The following C5 variants were observed in gnomAD, a reference collection of about 807,000 sequenced individuals.
The protein encoded by C5 is C3 and PZP-like alpha-2-macroglobulin domain-containing protein 4.
In C5, 140 loss-of-function variants were observed where a neutral mutation model predicts 218.8. The ratio of observed to expected loss-of-function variants is 0.64; its 90% CI spans 0.56 to 0.74. The LOEUF is 0.74. Among genes scored for constraint, C5 ranks in the 30% least tolerant of loss-of-function variants. The pLI is 0.00. For synonymous variants in C5, 614 were observed against 682.3 expected (o/e 0.90, Z 1.56); for missense variants, 1,700 against 1,969.6 (o/e 0.86, Z 2.59).
At chr9:120,974,687 G>A in intron 30 of C5, 92 bp downstream of exon 30, 1 of 1,182,312 alleles carries the variant, frequency 8.5e-7, no homozygotes, top group South Asian at 1.2e-5. Context: ...TGTTTAAGTA[G>A]TGAAGAGATA....
intron 20 of C5, among the ~76,000 whole-genome samples, chr9:120,998,467 T>C (rs1469008505): frequency 6.6e-6 from 1 of 152,260 alleles, no homozygotes; most frequent in Non-Finnish European, 1.5e-5. Flanking sequence ...TTCATTTTTG[T>C]ATCTTTTAGC....
At chr9:120,987,052 G>C (rs2047037984) in intron 25 of C5, among the ~76,000 whole-genome samples, 2 of 152,188 alleles carry the variant, frequency 1.3e-5, no homozygotes. Context: ...TTGATCCATG[G>C]GGGACAAAGG....
intron 40 of C5, among the ~76,000 whole-genome samples, 160 bp downstream of exon 40, chr9:120,953,570 C>T (rs776493316): frequency 5.9e-5 from 9 of 152,078 alleles, no homozygotes; most frequent in Non-Finnish European, 1.2e-4. Context: ...TCAGCTGCCA[C>T]GATGGTTTTA....
In C5 at chr9:121,034,902, T is replaced by C. The variant is rs763598955; in HGVS notation, c.493-8A>G. On this transcript the variant is annotated splice_polypyrimidine_tract_variant and splice_region_variant and intron_variant, in intron 4 of 40. Coordinates refer to ENST00000223642, the MANE Select transcript of C5 (RefSeq NM_001735.3). The stretch of plus-strand genomic sequence containing the variant: ...TTCTGATCCTTCAGGATCCTGTAAA[T>C]AAAAACAAACACCCTCAAAGGCCAG... The C allele has an allele frequency of 6.7e-7, 1 of 1,495,560 alleles. No homozygotes were observed. The highest frequency in any genetic ancestry group is 9.3e-7 in the Non-Finnish European group (1 of 1,076,758). The allele number at this position is 1,495,560 out of a possible 1,614,324, so 92.6% of individuals were successfully genotyped here.
intron 14 of C5, 39 bp downstream of exon 14, chr9:121,017,323 A>G: frequency 6.2e-7 from 1 of 1,611,998 alleles, no homozygotes; most frequent in Non-Finnish European, 8.5e-7. Context: ...TGGTGGCCAC[A>G]CTTCATGCAA....
At chr9:120,980,060 T>C (rs1377789238) in intron 28 of C5, 23 bp downstream of exon 28, 2 of 1,610,170 alleles carry the variant, frequency 1.2e-6, no homozygotes, top group Non-Finnish European at 8.5e-7. Flanking sequence ...ACTCACTGAA[T>C]ACATGTATGG....
At chr9:121,039,103 C>G (rs1377299101) in intron 3 of C5, among the ~76,000 whole-genome samples, 1 of 152,226 alleles carries the variant, frequency 6.6e-6, no homozygotes, top group African/African-American at 2.4e-5. Flanking sequence ...CCTTAGTTAA[C>G]TCACTTGTAA....
chr9:121,041,010 G>A (rs1369605019), intron 3 of C5, among the ~76,000 whole-genome samples: 2 of 138,888 alleles, frequency 1.4e-5, no homozygotes, highest in Admixed American at 7.4e-5. Flanking sequence ...GTGCAGTGGC[G>A]CGATCTCACT....
intron 40 of C5, 26 bp downstream of exon 40, chr9:120,953,704 G>T (rs768980521): frequency 6.2e-7 from 1 of 1,612,070 alleles, no homozygotes. Context: ...GGGAAGATCA[G>T]TGACTGAAAA....
chr9:121,011,709 G>T (rs1025601318), intron 17 of C5, among the ~76,000 whole-genome samples: 2 of 152,168 alleles, frequency 1.3e-5, no homozygotes, highest in Non-Finnish European at 2.9e-5. Context: ...AAATAGTCAG[G>T]ATTTGGAAGC....
chr9:121,011,551 T>A (rs1271269826), intron 17 of C5, among the ~76,000 whole-genome samples: 1 of 152,290 alleles, frequency 6.6e-6, no homozygotes, highest in African/African-American at 2.4e-5. Context: ...CTATACACTA[T>A]GGAGAACAGT....
At chr9:121,060,512 A>G in the C5 span, among the ~76,000 whole-genome samples, 1 of 151,926 alleles carries the variant, frequency 6.6e-6, no homozygotes, top group South Asian at 2.1e-4. Flanking sequence ...TGCTTTTCCA[A>G]CTCTTTTCTT....
In C5 at chr9:121,025,439, C is replaced by CACACAG. The variant is rs1259971226; in HGVS notation, c.1000+14_1000+15insCTGTGT. The CACACAG allele has an allele frequency of 6.2e-7, 1 of 1,604,118 alleles. No individual in the cohort carries two copies. Among genetic ancestry groups the CACACAG allele is most frequent in the Admixed American group, 1.7e-5 (1 of 58,918 alleles). On this transcript the variant is annotated intron_variant, in intron 9 of 40. Coordinates refer to ENST00000223642, the MANE Select transcript of C5 (RefSeq NM_001735.3). Reference sequence around the variant, plus strand: ...AAGTATACACACACACACACACACACACACACACACTTACCTGTAGACTCT... The same window carrying CACACAG: ...AAGTATACACACACACACACACACACACACAGACACACACACTTACCTGTAGACTCT...
At chr9:121,044,474 TCAA>T (rs769466358) in intron 2 of C5, among the ~76,000 whole-genome samples, 12 of 151,618 alleles carry the variant, frequency 7.9e-5, no homozygotes, top group African/African-American at 1.5e-4. Flanking sequence ...AGACCCTGTC[TCAA>T]CAACAACAAC....
intron 22 of C5, among the ~76,000 whole-genome samples, chr9:120,993,866 C>G (rs1296577205): frequency 6.6e-6 from 1 of 152,074 alleles, no homozygotes; most frequent in African/African-American, 2.4e-5. Context: ...ACAGCAAACA[C>G]ATTTGAGTGG....
chr9:121,038,148 G>T lies in C5; in HGVS notation c.422-197C>A, dbSNP rs180919088. Reference sequence around the variant, plus strand: ...TCTCTTATTTAAGAGAATCCTCAGGGATTCCTTTAAAGAACTATTTCTCTT... The same window carrying T: ...TCTCTTATTTAAGAGAATCCTCAGGTATTCCTTTAAAGAACTATTTCTCTT... On this transcript the variant is annotated intron_variant, in intron 3 of 40. Coordinates refer to ENST00000223642, the MANE Select transcript of C5 (RefSeq NM_001735.3). Among the ~76,000 whole-genome samples, 384 of 152,130 alleles carry T rather than the reference G, an allele frequency of 2.5e-3. 1 individual carries two copies. The highest frequency in any genetic ancestry group is 3.3e-3 in the Non-Finnish European group (222 of 67,988).
chr9:120,974,971 A>T (rs1457370863), intron 29 of C5, 40 bp from the exon 30 acceptor site: 1 of 1,609,538 alleles, frequency 6.2e-7, no homozygotes, highest in African/African-American at 1.3e-5. Flanking sequence ...TGTTTAGTTT[A>T]TTTATGTACT....
At chr9:121,036,214 G>C (rs146654270) in intron 4 of C5, among the ~76,000 whole-genome samples, 1 of 152,138 alleles carries the variant, frequency 6.6e-6, no homozygotes, top group Non-Finnish European at 1.5e-5. Context: ...ACTTGTAGCT[G>C]AGTATTTTTA....
intron 16 of C5, 24 bp from the exon 17 acceptor site, chr9:121,014,094 C>T (rs2047286509): frequency 6.3e-7 from 1 of 1,594,626 alleles, no homozygotes; most frequent in Non-Finnish European, 8.6e-7. Context: ...AATGCAAGTG[C>T]TCTTGATGAC....
Sources: allele counts gnomAD v4.1 joint callset (sites outside exome capture counted in the v4.1 genomes callset), GRCh38; gene constraint gnomAD v4.1.1; transcripts MANE v1.5; gene names NCBI Gene and HGNC (gene_info 2026-07-23, HGNC 2026-07-21).